CCDC85A: variants seen among roughly 807,000 people sequenced by gnomAD.
CCDC85A encodes the protein coiled-coil domain containing 85A, also known as coiled-coil domain-containing protein 85A.
In CCDC85A, 38 loss-of-function variants were observed where a neutral mutation model predicts 50.2. The ratio of observed to expected loss-of-function variants is 0.76; its 90% CI spans 0.58 to 0.99. CCDC85A has a LOEUF of 0.99. Among genes scored for constraint, CCDC85A ranks in the 50% least tolerant of loss-of-function variants. The pLI, the probability that CCDC85A is intolerant of heterozygous loss-of-function variation, is 0.00. For synonymous variants in CCDC85A, 366 were observed against 301.4 expected, an observed-to-expected ratio of 1.21 and a Z score of -2.22; for missense variants, 820 against 742.0, an observed-to-expected ratio of 1.11 and a Z score of -1.22.
chr2:56,371,627 C>A (rs1676077817), intron 3 of CCDC85A, among the ~76,000 whole-genome samples: 1 of 152,046 alleles, frequency 6.6e-6, no homozygotes, highest in African/African-American at 2.4e-5. Context: ...TGTTTCTGAT[C>A]ATTTTAATAG....
intron 2 of CCDC85A, among the ~76,000 whole-genome samples, chr2:56,277,236 G>A (rs1670992331): frequency 1.3e-5 from 2 of 152,122 alleles, no homozygotes; most frequent in Admixed American, 1.3e-4. Flanking sequence ...ATTAGGAAGT[G>A]GGAAAGGAGG....
At chr2:56,291,830 C>G (rs115510174) in intron 2 of CCDC85A, among the ~76,000 whole-genome samples, 1 of 142,114 alleles carries the variant, frequency 7.0e-6, no homozygotes, top group African/African-American at 2.7e-5. Context: ...CCTGATTTAC[C>G]TGTGAGAACG....
At chr2:56,369,749 G>A (rs929816630) in intron 3 of CCDC85A, among the ~76,000 whole-genome samples, 14 of 151,886 alleles carry the variant, frequency 9.2e-5, no homozygotes, top group Admixed American at 1.3e-4. Flanking sequence ...AGTACAGTTC[G>A]GATTTCCCAT....
At chr2:56,368,979 A>T (rs1242676018) in intron 3 of CCDC85A, among the ~76,000 whole-genome samples, 1 of 152,086 alleles carries the variant, frequency 6.6e-6, no homozygotes, top group Non-Finnish European at 1.5e-5. Context: ...TTAAAACATT[A>T]TAAAGGATTT....
chr2:56,358,951 AT>A (rs11333600), intron 3 of CCDC85A, among the ~76,000 whole-genome samples: 127,974 of 146,366 alleles, frequency 0.87, 56,018 homozygotes, highest in East Asian at 0.97. Flanking sequence ...TGCCCGGCTA[AT>A]TTTTTTGTAT....
At chr2:56,199,198 G>A (rs541646732) in intron 2 of CCDC85A, among the ~76,000 whole-genome samples, 1 of 152,250 alleles carries the variant, frequency 6.6e-6, no homozygotes, top group South Asian at 2.1e-4. Flanking sequence ...TTTCACAAGG[G>A]TCAAATGAAT....
rs758574817 is a variant in CCDC85A, at chr2:56,184,671, A to T, written c.47A>T (p.Glu16Val). Reference protein sequence around the residue: ...GGAAAAAAAAESCSPAPAGSS... With the variant: ...GGAAAAAAAAVSCSPAPAGSS... ...GCGGCGGCGGCTGCGGCGGCGGCGG[A>T]AAGTTGTTCCCCAGCCCCGGCCGGC... Residue 16 changes from glutamate (E) to valine (V), a missense_variant, in exon 1 of 6, where the codon GAA becomes GTA. Physicochemically the swap from Glu to Val is moderately radical, Grantham distance 121 (BLOSUM62 -2). Coordinates refer to ENST00000407595, the MANE Select transcript of CCDC85A (RefSeq NM_001080433.2). 6.8e-7 allele frequency: 1 copy of T among 1,467,128 alleles called. No homozygotes were observed. The highest frequency in any genetic ancestry group is 1.5e-5 in the African/African-American group (1 of 66,272). 90.9% of individuals were successfully genotyped at this position (1,467,128 alleles called of 1,614,324 possible). A position where few individuals can be genotyped will look rare whatever the true frequency, so the allele number is the denominator to read the frequency against.
At chr2:56,368,562 G>A (rs1392473803) in intron 3 of CCDC85A, among the ~76,000 whole-genome samples, 2 of 152,062 alleles carry the variant, frequency 1.3e-5, no homozygotes, top group Admixed American at 6.6e-5. Context: ...TTATATGATA[G>A]TTTAACCAAG....
chr2:56,268,436 A>G (rs1322528817), intron 2 of CCDC85A, among the ~76,000 whole-genome samples: 5 of 152,094 alleles, frequency 3.3e-5, no homozygotes, highest in Non-Finnish European at 7.4e-5. Context: ...TCTACTAAAA[A>G]TACAAAAAAT....
intron 2 of CCDC85A, among the ~76,000 whole-genome samples, chr2:56,251,805 C>T (rs1669770694): frequency 6.6e-6 from 1 of 152,068 alleles, no homozygotes; most frequent in Admixed American, 6.6e-5. Context: ...TGCACTACTC[C>T]AGGATGGGCA....
chr2:56,189,832 T>C (rs1676221950), intron 1 of CCDC85A, among the ~76,000 whole-genome samples: 1 of 152,046 alleles, frequency 6.6e-6, no homozygotes, highest in African/African-American at 2.4e-5. Context: ...GGAGTGCTTG[T>C]GTTCTAGTGG....
At chr2:56,284,553 A>G (rs965391198) in intron 2 of CCDC85A, among the ~76,000 whole-genome samples, 7 of 151,976 alleles carry the variant, frequency 4.6e-5, no homozygotes, top group Non-Finnish European at 8.8e-5. Flanking sequence ...TTCTATTTTT[A>G]GTAGAGATGG....
chr2:56,211,219 T>C (rs1238701580), intron 2 of CCDC85A, among the ~76,000 whole-genome samples: 1 of 152,104 alleles, frequency 6.6e-6, no homozygotes, highest in African/African-American at 2.4e-5. Flanking sequence ...GGAGGCAGCA[T>C]GGACTTACAG....
rs186094084 is a variant in CCDC85A, at chr2:56,337,342, A to G, written c.1241-5537A>G. On this transcript the variant is annotated intron_variant, in intron 2 of 5. Coordinates refer to ENST00000407595, the MANE Select transcript of CCDC85A (RefSeq NM_001080433.2). The stretch of plus-strand genomic sequence containing the variant: ...GCTTCACCTTACTTTTCTAATGTCT[A>G]GATGCCCATAGGTTTCCCAGGGTGG... Among the ~76,000 whole-genome samples, 42 of 152,346 alleles carry G rather than the reference A, an allele frequency of 2.8e-4. 1 individual carries two copies. Among genetic ancestry groups the G allele is most frequent in the Admixed American group, 2.2e-3 (33 of 15,294 alleles).
intron 2 of CCDC85A, among the ~76,000 whole-genome samples, chr2:56,194,174 G>A (rs977147723): frequency 2.0e-5 from 3 of 152,148 alleles, no homozygotes; most frequent in Non-Finnish European, 4.4e-5. Flanking sequence ...CTGGTTGTTT[G>A]AAAGTACCTT....
intron 3 of CCDC85A, among the ~76,000 whole-genome samples, chr2:56,368,610 AG>A (rs898507698): frequency 6.6e-6 from 1 of 152,124 alleles, no homozygotes; most frequent in African/African-American, 2.4e-5. Flanking sequence ...TTTAAGTAAC[AG>A]GAAACCACTT....
intron 2 of CCDC85A, among the ~76,000 whole-genome samples, chr2:56,303,574 A>G (rs76938572): frequency 6.6e-6 from 1 of 152,084 alleles, no homozygotes; most frequent in Admixed American, 6.6e-5. Context: ...GATTCTAAGG[A>G]TAGTAATTGC....
At chr2:56,242,292 A>C (rs1669297376) in intron 2 of CCDC85A, among the ~76,000 whole-genome samples, 1 of 152,150 alleles carries the variant, frequency 6.6e-6, no homozygotes, top group Non-Finnish European at 1.5e-5. Context: ...GAGACTGGGT[A>C]ATTTATAAAA....
rs111612063 is a variant in CCDC85A, at chr2:56,340,510, A to G, written c.1241-2369A>G. Reference sequence around the variant, plus strand: ...GCAGCAGCCCCAGTTCTTGCCCCTAATTCGACTGAGGGGCATAAAGCAGAA... The same window carrying G: ...GCAGCAGCCCCAGTTCTTGCCCCTAGTTCGACTGAGGGGCATAAAGCAGAA... On this transcript the variant is annotated intron_variant, in intron 2 of 5. Coordinates refer to ENST00000407595, the MANE Select transcript of CCDC85A (RefSeq NM_001080433.2). 7.8e-3 allele frequency among the ~76,000 whole-genome samples: 1,195 copies of G among 152,254 alleles called. 14 individuals carry two copies. Among genetic ancestry groups the G allele is most frequent in the African/African-American group, 0.026 (1,094 of 41,542 alleles).
Sources: gnomAD v4.1 joint callset for allele counts (sites outside exome capture counted in the v4.1 genomes callset) on GRCh38, gnomAD v4.1.1 for gene constraint, MANE v1.5 for transcripts, NCBI Gene and HGNC (gene_info 2026-07-23, HGNC 2026-07-21) for gene names.